SOX6: variants seen among roughly 807,000 people sequenced by gnomAD.
The protein encoded by SOX6 is transcription factor SOX-6.
SOX6 carries 11 observed loss-of-function variants against 97.8 expected under a neutral mutation model. The ratio of observed to expected loss-of-function variants is 0.11; its 90% CI spans 0.07 to 0.19. The LOEUF (loss-of-function observed/expected upper bound fraction) is 0.19. Ranked by LOEUF, SOX6 falls within the 10% of genes least tolerant of loss-of-function variation. SOX6 has a pLI of 1.00. For missense variants in SOX6, 810 were observed against 1,039.5 expected, an observed-to-expected ratio of 0.78 and a Z score of 3.04; for synonymous variants, 360 against 371.4, an observed-to-expected ratio of 0.97 and a Z score of 0.35.
intron 1 of SOX6, among the ~76,000 whole-genome samples, chr11:16,372,076 C>T (rs998079482): frequency 1.3e-5 from 2 of 151,998 alleles, no homozygotes; most frequent in Non-Finnish European, 2.9e-5. Flanking sequence ...TGTGAGTGTA[C>T]TGAAAGCAAG....
chr11:16,339,626 T>C (rs947761578), intron 2 of SOX6, among the ~76,000 whole-genome samples: 1 of 152,038 alleles, frequency 6.6e-6, no homozygotes, highest in Non-Finnish European at 1.5e-5. Flanking sequence ...TTTGTGTATA[T>C]ATTTATTTAA....
intron 12 of SOX6, among the ~76,000 whole-genome samples, chr11:16,022,352 T>TTCCC (rs1378230533): frequency 1.4e-5 from 2 of 147,066 alleles, no homozygotes; most frequent in Admixed American, 6.8e-5. Context: ...CCTTCCTTCC[T>TTCCC]TCCTTCCTTC....
intron 1 of SOX6, among the ~76,000 whole-genome samples, chr11:16,423,504 T>C (rs1282522233): frequency 6.6e-6 from 1 of 152,236 alleles, no homozygotes; most frequent in African/African-American, 2.4e-5. Flanking sequence ...TAACAAATAC[T>C]GAATAAACAT....
intron 3 of SOX6, among the ~76,000 whole-genome samples, chr11:16,268,553 C>G (rs1271837150): frequency 6.6e-6 from 1 of 151,094 alleles, no homozygotes; most frequent in Non-Finnish European, 1.5e-5. Flanking sequence ...AGTAACAGAG[C>G]TTCAAAATAT....
At chr11:16,598,345 T>C (rs1258184713) in intron 4 of SOX6, among the ~76,000 whole-genome samples, 1 of 152,024 alleles carries the variant, frequency 6.6e-6, no homozygotes, top group East Asian at 1.9e-4. Context: ...AATAAAAATA[T>C]TCCTGACCTT....
intron 6 of SOX6, among the ~76,000 whole-genome samples, chr11:16,119,731 G>A (rs1404330852): frequency 6.6e-6 from 1 of 152,150 alleles, no homozygotes; most frequent in Non-Finnish European, 1.5e-5. Flanking sequence ...ACTACAAAAA[G>A]TACTGAGCTG....
At chr11:16,364,295 G>A (rs1041600481) in intron 1 of SOX6, among the ~76,000 whole-genome samples, 3 of 152,032 alleles carry the variant, frequency 2.0e-5, no homozygotes, top group Non-Finnish European at 2.9e-5. Flanking sequence ...GGACTTACAG[G>A]ATAAGCCCAT....
intron 4 of SOX6, among the ~76,000 whole-genome samples, chr11:16,202,338 T>C (rs887089242): frequency 6.6e-6 from 1 of 152,152 alleles, no homozygotes; most frequent in Non-Finnish European, 1.5e-5. Flanking sequence ...TAGAATGTCC[T>C]GTGTAGCATA....
intron 4 of SOX6, among the ~76,000 whole-genome samples, chr11:16,216,563 T>C (rs926965748): frequency 2.0e-5 from 3 of 151,478 alleles, no homozygotes; most frequent in African/African-American, 7.3e-5. Context: ...ATACAGAGAG[T>C]CTCTTCAGAA....
chr11:16,567,431 G>T (rs570972866), intron 4 of SOX6: 1 of 152,280 alleles, frequency 6.6e-6, no homozygotes, highest in Admixed American at 6.5e-5. Context: ...ACACAACATA[G>T]GTGGAGACTG....
intron 3 of SOX6, among the ~76,000 whole-genome samples, chr11:16,301,761 A>G (rs1855265705): frequency 6.6e-6 from 1 of 152,162 alleles, no homozygotes; most frequent in South Asian, 2.1e-4. Flanking sequence ...TGAAAGCAAC[A>G]ATGATAATTT....
chr11:16,107,595 A>G (rs761710257), intron 7 of SOX6, among the ~76,000 whole-genome samples: 7 of 151,698 alleles, frequency 4.6e-5, no homozygotes, highest in Non-Finnish European at 7.4e-5. Context: ...GCAAATGCAT[A>G]GAGAAAAATA....
chr11:16,308,830 G>C (rs1855512934), intron 3 of SOX6, among the ~76,000 whole-genome samples: 1 of 152,118 alleles, frequency 6.6e-6, no homozygotes, highest in African/African-American at 2.4e-5. Flanking sequence ...CGATATTCTT[G>C]TGCTCCTAGT....
At position 15,999,533 on chromosome 11, in the gene SOX6, T is replaced by A. The variant is rs903101074; in HGVS notation, c.1733-10303A>T. ...ACTCTTAGTTTAAAAAAGGCAAAAA[T>A]GACACCAAAAACAAAAACCCCACAA... On this transcript the variant is annotated intron_variant, in intron 13 of 15. Transcript: ENST00000683767. 1.2e-4 allele frequency among the ~76,000 whole-genome samples: 18 copies of A among 151,788 alleles called. 1 individual carries two copies. The highest frequency in any genetic ancestry group is 4.4e-4 in the African/African-American group (18 of 41,348).
chr11:16,737,667 A>T (rs985272993), intron 1 of SOX6, among the ~76,000 whole-genome samples: 7 of 152,134 alleles, frequency 4.6e-5, no homozygotes, highest in African/African-American at 1.7e-4. Context: ...CTGAACAATA[A>T]ATAGCTTTAA....
intron 1 of SOX6, among the ~76,000 whole-genome samples, chr11:16,453,849 A>T (rs1294097528): frequency 6.6e-6 from 1 of 152,158 alleles, no homozygotes; most frequent in African/African-American, 2.4e-5. Context: ...AATGCATCTG[A>T]TAACAAGCCA....
chr11:16,217,381 GA>G (rs1852404728), intron 4 of SOX6, among the ~76,000 whole-genome samples: 2 of 152,052 alleles, frequency 1.3e-5, no homozygotes, highest in African/African-American at 4.8e-5. Context: ...TCTTTATAAA[GA>G]GTTATATAAG....
chr11:16,034,233 C>T (rs1359293088), intron 12 of SOX6, among the ~76,000 whole-genome samples: 1 of 152,166 alleles, frequency 6.6e-6, no homozygotes, highest in Non-Finnish European at 1.5e-5. Flanking sequence ...CTACAGGGGA[C>T]TACTGCAACC....
At chr11:16,243,811 G>C (rs1436287980) in intron 3 of SOX6, among the ~76,000 whole-genome samples, 1 of 151,846 alleles carries the variant, frequency 6.6e-6, no homozygotes, top group African/African-American at 2.4e-5. Context: ...TCAGCATAAA[G>C]TTCTTGAGAT....
Sources: gnomAD v4.1 joint callset for allele counts (sites outside exome capture counted in the v4.1 genomes callset) on GRCh38, gnomAD v4.1.1 for gene constraint, MANE v1.5 for transcripts, NCBI Gene and HGNC (gene_info 2026-07-23, HGNC 2026-07-21) for gene names.